Variants in CFAP46 observed in about 807,000 individuals in gnomAD.
CFAP46 encodes the protein cilia and flagella associated protein 46.
In CFAP46, 245 loss-of-function variants were observed where a neutral mutation model predicts 325.7. The ratio of observed to expected loss-of-function variants is 0.75; its 90% CI spans 0.68 to 0.84. The LOEUF (loss-of-function observed/expected upper bound fraction) is 0.84, where lower values mean the gene tolerates loss of function less well. CFAP46 is among the 40% of genes least tolerant of loss of function. The pLI is 0.00. For synonymous variants in CFAP46, 1,523 were observed against 1,495.9 expected, an observed-to-expected ratio of 1.02 and a Z score of -0.42; for missense variants, 3,346 against 3,543.0, an observed-to-expected ratio of 0.94 and a Z score of 1.41.
intron 44 of CFAP46, among the ~76,000 whole-genome samples, chr10:132,840,890 T>C (rs1211866972): frequency 6.6e-6 from 1 of 152,160 alleles, no homozygotes; most frequent in Non-Finnish European, 1.5e-5. Context: ...GTGAGGGCCT[T>C]CTCGCAGGTG....
chr10:132,870,263 G>A (rs888200805), intron 32 of CFAP46, among the ~76,000 whole-genome samples: 3 of 151,964 alleles, frequency 2.0e-5, no homozygotes, highest in African/African-American at 7.3e-5. Flanking sequence ...CCCTCCCCTT[G>A]GGCCTCCCTA....
At chr10:132,917,003 C>A (rs146610934) in intron 16 of CFAP46, among the ~76,000 whole-genome samples, 78 of 152,372 alleles carry the variant, frequency 5.1e-4, no homozygotes, top group Non-Finnish European at 9.7e-4. Flanking sequence ...AGCATTTGCA[C>A]CTCCCCTACG....
In CFAP46 at chr10:132,915,642, G is replaced by A. The variant is rs548524860; in HGVS notation, c.2120+907C>T. On this transcript the variant is annotated intron_variant, in intron 17 of 57. Coordinates refer to ENST00000368586, the MANE Select transcript of CFAP46 (RefSeq NM_001200049.3). ...CCCGAGGGACCGGCGAGGGCGGGGT[G>A]CCGTGCCCAGCTTCTGATGCATGGA... 9.9e-4 allele frequency among the ~76,000 whole-genome samples: 151 copies of A among 152,342 alleles called. 1 individual carries two copies. The highest frequency in any genetic ancestry group is 3.0e-3 in the African/African-American group (125 of 41,578).
chr10:132,920,030 C>G, intron 14 of CFAP46, 29 bp downstream of exon 14: 2 of 1,510,816 alleles, frequency 1.3e-6, no homozygotes, highest in Non-Finnish European at 1.8e-6. Context: ...CTGAGCTGTG[C>G]GTGGCGCTCT....
chr10:132,821,458 T>C (rs1233332407), intron 50 of CFAP46, among the ~76,000 whole-genome samples: 1 of 139,978 alleles, frequency 7.1e-6, no homozygotes, highest in Non-Finnish European at 1.5e-5. Flanking sequence ...GTGTGCTGTG[T>C]GTGCTGATGT....
intron 2 of CFAP46, 96 bp downstream of exon 2, chr10:132,941,884 C>G: frequency 2.6e-6 from 4 of 1,515,318 alleles, no homozygotes; most frequent in Non-Finnish European, 3.5e-6. Flanking sequence ...CCAGGAGCTG[C>G]CTCTCCCCAG....
At chr10:132,873,717 C>T (rs1020210796) in intron 31 of CFAP46, among the ~76,000 whole-genome samples, 2 of 152,032 alleles carry the variant, frequency 1.3e-5, no homozygotes, top group Non-Finnish European at 2.9e-5. Flanking sequence ...AGGGGCCGTG[C>T]GGGTGGCCTG....
intron 19 of CFAP46, among the ~76,000 whole-genome samples, chr10:132,912,330 TTCTC>T (rs767905630): frequency 1.5e-5 from 2 of 134,132 alleles, no homozygotes; most frequent in South Asian, 5.4e-4. Flanking sequence ...TCCTCTCTTC[TTCTC>T]TCTCTCCTGT....
Position 132,867,489 on chromosome 10 carries a change from C to T in CFAP46, c.4629G>A (p.Ala1543=), listed in dbSNP as rs1164089135. The change falls in exon 34 of 58, where the codon GCG becomes GCA. Residue 1543 remains alanine, a synonymous_variant. Coordinates refer to ENST00000368586, the MANE Select transcript of CFAP46 (RefSeq NM_001200049.3). ...LEQASCRKEI[A]LKKEKNKEPL... ...GCTCCTTATTTTTCTCTTTTTTCAACGCGATCTCTTTTCTGCAGCTAATGC... is the reference window on the plus strand; with the variant it reads ...GCTCCTTATTTTTCTCTTTTTTCAATGCGATCTCTTTTCTGCAGCTAATGC... The T allele has an allele frequency of 7.9e-5, 122 of 1,550,012 alleles. No homozygotes were observed. The highest frequency in any genetic ancestry group is 1.0e-4 in the Non-Finnish European group (115 of 1,146,940).
intron 41 of CFAP46, among the ~76,000 whole-genome samples, chr10:132,848,072 T>C (rs1848470796): frequency 1.3e-5 from 2 of 151,894 alleles, no homozygotes; most frequent in African/African-American, 4.8e-5. Flanking sequence ...GCAGAACATT[T>C]ACCAAAACCA....
intron 25 of CFAP46, among the ~76,000 whole-genome samples, chr10:132,890,018 T>C (rs1458843886): frequency 6.6e-6 from 1 of 152,272 alleles, no homozygotes; most frequent in South Asian, 2.1e-4. Flanking sequence ...ATCTCTGCTA[T>C]GCTCAATTCT....
intron 44 of CFAP46, among the ~76,000 whole-genome samples, chr10:132,843,670 C>T (rs1848383836): frequency 7.4e-6 from 1 of 135,190 alleles, no homozygotes; most frequent in African/African-American, 2.8e-5. Flanking sequence ...GGTGGGCGTT[C>T]CCAGGGTGCT....
At chr10:132,820,038 A>C (rs377645367) in intron 50 of CFAP46, among the ~76,000 whole-genome samples, 4 of 152,240 alleles carry the variant, frequency 2.6e-5, no homozygotes, top group African/African-American at 9.6e-5. Context: ...ATAATACAAT[A>C]GTAAAAAACC....
At chr10:132,936,939 T>C in intron 7 of CFAP46, 22 bp downstream of exon 7, 1 of 1,430,428 alleles carries the variant, frequency 7.0e-7, no homozygotes, top group Non-Finnish European at 9.5e-7. Context: ...CAGTATTTGC[T>C]CTCCCTCCCA....
Position 132,884,397 on chromosome 10 carries a change from G to A in CFAP46, c.3627+706C>T, listed in dbSNP as rs1033153944. ...CCCTGGACCCCAGAACAATCCAAAG[G>A]CCTCGGGGCAGGATTGCTCTGAGCC... On this transcript the variant is annotated intron_variant, in intron 27 of 57. Transcript: ENST00000368586. The surrounding 1 kb of genome is among the most constrained non-coding windows in gnomAD (Gnocchi z 5.4). Among the ~76,000 whole-genome samples the A allele has an allele frequency of 1.3e-5, 2 of 152,196 alleles. No homozygotes were observed. The highest frequency in any genetic ancestry group is 1.9e-4 in the East Asian group (1 of 5,194).
rs536226804 is a variant in CFAP46 at position 132,941,994 on chromosome 10, C to T, written c.160G>A (p.Glu54Lys). 1.9e-6 allele frequency: 3 copies of T among 1,551,912 alleles called. No individual in the cohort carries two copies. Among genetic ancestry groups the T allele is most frequent in the Admixed American group, 3.9e-5 (2 of 51,010 alleles). ...GAACTAGTTACCTTCAGGGCCTGCT[C>T]TGCACACAGAACAAACAGGTCTGGG... ...FSPDLFVLCA[E>K]QALKMRQPEV... The change falls in exon 2 of 58, where the codon GAG becomes AAG. Residue 54 changes from glutamate to lysine, a missense_variant. Physicochemically the swap from Glu to Lys is moderately conservative, Grantham distance 56 (BLOSUM62 1). Transcript: ENST00000368586.
Position 132,887,061 on chromosome 10 carries a change from C to CCTCTCTCCTCTCCTCTCTCACTTCT in CFAP46, c.3305-1127_3305-1103dup, listed in dbSNP as rs1219850240. 1.5e-3 allele frequency among the ~76,000 whole-genome samples: 229 copies of CCTCTCTCCTCTCCTCTCTCACTTCT among 150,026 alleles called. 4 individuals are homozygous for CCTCTCTCCTCTCCTCTCTCACTTCT. Among genetic ancestry groups the CCTCTCTCCTCTCCTCTCTCACTTCT allele is most frequent in the South Asian group, 5.5e-3 (25 of 4,556 alleles). On this transcript the variant is annotated intron_variant, in intron 25 of 57. Coordinates refer to ENST00000368586, the MANE Select transcript of CFAP46 (RefSeq NM_001200049.3). ...CTTTCTCCTCTCATCTTCTCTCTGG[C>CCTCTCTCCTCTCCTCTCTCACTTCT]CTCTCTCCTCTCCTCTCTCACTTCT...
intron 8 of CFAP46, among the ~76,000 whole-genome samples, chr10:132,933,370 C>T (rs1279106085): frequency 6.6e-6 from 1 of 152,240 alleles, no homozygotes; most frequent in Non-Finnish European, 1.5e-5. Flanking sequence ...TGTGGACAGA[C>T]CTCGGAACAG....
Position 132,808,927 on chromosome 10 carries a change from T to G in CFAP46, c.7665-23A>C. ...CGTCTGTGGAGAAAGGGGCGGGAGC[T>G]ATGAACCCCGAGGCCCCGCAGGACG... On this transcript the variant is annotated intron_variant, in intron 57 of 57. Transcript: ENST00000368586. The surrounding 1 kb of genome is among the most constrained non-coding windows in gnomAD (Gnocchi z 6.8). 6.5e-7 allele frequency: 1 copy of G among 1,547,756 alleles called. No homozygotes were observed. The highest frequency in any genetic ancestry group is 1.8e-5 in the Admixed American group (1 of 54,250).
Sources: gnomAD v4.1 joint callset for allele counts (sites outside exome capture counted in the v4.1 genomes callset) on GRCh38, gnomAD v4.1.1 for gene constraint, Gnocchi (gnomAD v3.1) non-coding constraint, MANE v1.5 for transcripts, NCBI Gene and HGNC (gene_info 2026-07-23, HGNC 2026-07-21) for gene names.